The following KCNH5 variants were observed in gnomAD, a reference collection of about 807,000 sequenced individuals.
KCNH5 encodes the protein potassium voltage-gated channel subfamily H member 5, also known as voltage-gated delayed rectifier potassium channel KCNH5.
A neutral mutation model predicts 96.1 loss-of-function variants in KCNH5; 46 were observed. That is an observed-to-expected ratio of 0.48 (90% CI 0.38 to 0.61). The LOEUF (loss-of-function observed/expected upper bound fraction) is 0.61, where lower values mean the gene tolerates loss of function less well. Ranked by LOEUF, KCNH5 falls within the 20% of genes least tolerant of loss-of-function variation. The probability of loss-of-function intolerance (pLI) is 0.00; values close to 1 mark genes in which losing one functional copy is unlikely to be tolerated. For missense variants in KCNH5, 907 were observed against 1,225.8 expected (o/e 0.74, Z 3.88); for synonymous variants, 439 against 449.8 (o/e 0.98, Z 0.30).
intron 1 of KCNH5, among the ~76,000 whole-genome samples, chr14:63,043,378 G>C (rs1022906158): frequency 2.6e-5 from 4 of 152,068 alleles, no homozygotes; most frequent in African/African-American, 4.8e-5. Flanking sequence ...TAACCCAAGA[G>C]GATGAGAAAG....
chr14:62,926,211 C>T (rs1244950191), intron 7 of KCNH5, among the ~76,000 whole-genome samples: 1 of 152,042 alleles, frequency 6.6e-6, no homozygotes, highest in Non-Finnish European at 1.5e-5. Context: ...GAAATTAGTG[C>T]TAAGATATTT....
At chr14:62,837,394 T>C (rs1229596934) in intron 8 of KCNH5, among the ~76,000 whole-genome samples, 2 of 152,206 alleles carry the variant, frequency 1.3e-5, no homozygotes, top group African/African-American at 4.8e-5. Flanking sequence ...CAAGTAAATA[T>C]CAACACATAC....
At chr14:62,961,450 C>A (rs1890203338) in intron 6 of KCNH5, among the ~76,000 whole-genome samples, 1 of 152,174 alleles carries the variant, frequency 6.6e-6, no homozygotes, top group Non-Finnish European at 1.5e-5. Flanking sequence ...CTTCTCCTAA[C>A]TATCCCCAAC....
intron 2 of KCNH5, among the ~76,000 whole-genome samples, chr14:63,007,601 C>T (rs944643937): frequency 6.6e-6 from 1 of 152,070 alleles, no homozygotes; most frequent in African/African-American, 2.4e-5. Context: ...CTAAAACCAT[C>T]ATAATTTTTA....
At chr14:62,906,331 G>A (rs1431251069) in intron 7 of KCNH5, among the ~76,000 whole-genome samples, 1 of 152,174 alleles carries the variant, frequency 6.6e-6, no homozygotes, top group Non-Finnish European at 1.5e-5. Flanking sequence ...GGTGCTGTGA[G>A]AATATAGAAA....
intron 8 of KCNH5, among the ~76,000 whole-genome samples, chr14:62,817,751 AATATATTATATTCCTAT>A (rs1887019516): frequency 6.8e-6 from 1 of 146,740 alleles, no homozygotes; most frequent in Non-Finnish European, 1.5e-5. Context: ...ATATTCTAGG[AATATATTATATTCCTAT>A]ATATTCTAGG....
chr14:62,768,063 A>G (rs114903700), intron 10 of KCNH5, among the ~76,000 whole-genome samples: 1,744 of 151,830 alleles, frequency 0.011, 29 homozygotes, highest in African/African-American at 0.04. Flanking sequence ...GGAGGGTGCC[A>G]GGGTGGGAGA....
intron 6 of KCNH5, among the ~76,000 whole-genome samples, chr14:62,969,794 G>T (rs1236292320): frequency 1.4e-5 from 2 of 143,002 alleles, no homozygotes; most frequent in African/African-American, 5.3e-5. Flanking sequence ...GGGCGCAGTG[G>T]CTCATGCCTG....
chr14:62,917,354 G>GTT (rs200737675), intron 7 of KCNH5, among the ~76,000 whole-genome samples: 12 of 134,732 alleles, frequency 8.9e-5, no homozygotes, highest in Non-Finnish European at 9.7e-5. Context: ...GGTTTGTTAG[G>GTT]TTTTTTTTTT....
In KCNH5 at chr14:62,877,537, C is replaced by T. The variant is rs549467405; in HGVS notation, c.1370-27685G>A. Among the ~76,000 whole-genome samples the T allele has an allele frequency of 2.7e-4, 41 of 152,270 alleles. No homozygotes were observed. The East Asian group carries it at 6.4e-3, about 24-fold the overall frequency. On this transcript the variant is annotated intron_variant, in intron 7 of 10. Coordinates refer to ENST00000322893, the MANE Select transcript of KCNH5 (RefSeq NM_139318.5). ...ACCCCATCAACAAGTGGGCGAAGGACATGAACAGACATTTCTCAAAACAAG... is the reference window on the plus strand; with the variant it reads ...ACCCCATCAACAAGTGGGCGAAGGATATGAACAGACATTTCTCAAAACAAG...
At chr14:63,005,518 A>G (rs1472142921) in intron 3 of KCNH5, among the ~76,000 whole-genome samples, 1 of 152,246 alleles carries the variant, frequency 6.6e-6, no homozygotes, top group Non-Finnish European at 1.5e-5. Context: ...TCCATCAAAG[A>G]TAATAGTAGA....
chr14:62,750,699 G>C (rs183008697), intron 10 of KCNH5, among the ~76,000 whole-genome samples: 1 of 152,200 alleles, frequency 6.6e-6, no homozygotes, highest in Non-Finnish European at 1.5e-5. Flanking sequence ...GTTCCTTCTA[G>C]ATAGCAGCAA....
chr14:62,889,154 G>A (rs1484288414), intron 7 of KCNH5, among the ~76,000 whole-genome samples: 8 of 152,150 alleles, frequency 5.3e-5, no homozygotes. Context: ...TATAAGTTAT[G>A]TACCTGATGA....
chr14:62,820,612 T>A (rs1164283236), intron 8 of KCNH5, among the ~76,000 whole-genome samples: 1 of 152,176 alleles, frequency 6.6e-6, no homozygotes, highest in Admixed American at 6.5e-5. Flanking sequence ...GTTTCTGCCT[T>A]AGTTTGCTCA....
At chr14:62,830,568 T>G (rs551770022) in intron 8 of KCNH5, among the ~76,000 whole-genome samples, 2 of 152,216 alleles carry the variant, frequency 1.3e-5, no homozygotes, top group African/African-American at 4.8e-5. Context: ...TGCCACACAC[T>G]TTTAAACCAT....
intron 7 of KCNH5, among the ~76,000 whole-genome samples, chr14:62,945,915 C>A (rs1292515899): frequency 6.6e-6 from 1 of 151,968 alleles, no homozygotes; most frequent in Non-Finnish European, 1.5e-5. Context: ...TAGGCAGGGC[C>A]ATATCAGGAA....
chr14:62,730,717 C>T (rs1279546266), intron 10 of KCNH5, among the ~76,000 whole-genome samples: 1 of 152,148 alleles, frequency 6.6e-6, no homozygotes, highest in African/African-American at 2.4e-5. Flanking sequence ...CAGAAATCTT[C>T]ATTTCTAATG....
intron 7 of KCNH5, among the ~76,000 whole-genome samples, chr14:62,872,110 G>A (rs187946551): frequency 1.3e-5 from 2 of 152,146 alleles, no homozygotes; most frequent in Non-Finnish European, 2.9e-5. Context: ...AATCCTCTTT[G>A]ATTCTTTCAC....
chr14:62,900,790 A>T (rs1888909630), intron 7 of KCNH5, among the ~76,000 whole-genome samples: 1 of 152,232 alleles, frequency 6.6e-6, no homozygotes, highest in Non-Finnish European at 1.5e-5. Flanking sequence ...TTTGAAAAAA[A>T]ATCCCATAAG....
Sources: gnomAD v4.1 joint callset for allele counts (sites outside exome capture counted in the v4.1 genomes callset) on GRCh38, gnomAD v4.1.1 for gene constraint, MANE v1.5 for transcripts, NCBI Gene and HGNC (gene_info 2026-07-23, HGNC 2026-07-21) for gene names.